The following ZBTB38 variants were observed in gnomAD, a reference collection of about 807,000 sequenced individuals.
The protein encoded by ZBTB38 is zinc finger and BTB domain-containing protein 38.
In ZBTB38, 20 loss-of-function variants were observed where a neutral mutation model predicts 76.8. The ratio of observed to expected loss-of-function variants is 0.26; its 90% CI spans 0.18 to 0.38. The LOEUF is 0.38. Among genes scored for constraint, ZBTB38 ranks in the 10% least tolerant of loss-of-function variants. The pLI is 1.00. For missense variants in ZBTB38, 1,082 were observed against 1,482.3 expected (o/e 0.73, Z 4.43); for synonymous variants, 504 against 544.2 (o/e 0.93, Z 1.03).
chr3:141,330,751 T>A, intron 1 of ZBTB38, among the ~76,000 whole-genome samples: 1 of 152,212 alleles, frequency 6.6e-6, no homozygotes, highest in East Asian at 1.9e-4. Context: ...AAAAGTGGAT[T>A]AATCCATTCA....
intron 5 of ZBTB38, among the ~76,000 whole-genome samples, chr3:141,436,643 A>G (rs2078867150): frequency 6.6e-6 from 1 of 152,002 alleles, no homozygotes; most frequent in Non-Finnish European, 1.5e-5. Context: ...GACTACAGGC[A>G]CTCACCACCA....
chr3:141,327,407 C>A (rs1223616853), intron 1 of ZBTB38, among the ~76,000 whole-genome samples: 1 of 152,150 alleles, frequency 6.6e-6, no homozygotes, highest in African/African-American at 2.4e-5. Context: ...AGCACCTTAC[C>A]TCTGCGGTCT....
At chr3:141,407,777 G>T (rs1401706036) in intron 5 of ZBTB38, among the ~76,000 whole-genome samples, 2 of 152,232 alleles carry the variant, frequency 1.3e-5, no homozygotes, top group African/African-American at 4.8e-5. Flanking sequence ...ATAAACCTGA[G>T]ATTTGAGATG....
Position 141,417,175 on chromosome 3 carries a change from T to TC in ZBTB38, c.-1+13148dup, listed in dbSNP as rs202069657. ...ATGCACCAGCATCCATTGTTCATGC[T>TC]CCCCTTTTAGCCCTATTTTCTTTTC... On this transcript the variant is annotated intron_variant, in intron 5 of 5. Transcript: ENST00000321464. Among the ~76,000 whole-genome samples, 1,122 of 152,288 alleles carry TC rather than the reference T, an allele frequency of 7.4e-3. 15 individuals are homozygous for TC. The highest frequency in any genetic ancestry group is 0.025 in the African/African-American group (1,054 of 41,538).
At chr3:141,361,556 G>A (rs1172518484) in intron 1 of ZBTB38, among the ~76,000 whole-genome samples, 1 of 152,222 alleles carries the variant, frequency 6.6e-6, no homozygotes, top group Non-Finnish European at 1.5e-5. Context: ...TAGAATAGTT[G>A]TGAAAACCAG....
At chr3:141,378,564 A>G (rs1945736105) in intron 2 of ZBTB38, among the ~76,000 whole-genome samples, 1 of 152,228 alleles carries the variant, frequency 6.6e-6, no homozygotes, top group Non-Finnish European at 1.5e-5. Context: ...AAAAGGTATT[A>G]AAACTTTTTA....
At chr3:141,348,063 A>C (rs1187333829) in intron 1 of ZBTB38, among the ~76,000 whole-genome samples, 1 of 152,220 alleles carries the variant, frequency 6.6e-6, no homozygotes, top group Non-Finnish European at 1.5e-5. Context: ...TTGCCAATCT[A>C]TTATTATTTG....
chr3:141,324,429 AAAG>A (rs751734992), exon 1 of ZBTB38: 2 of 152,228 alleles, frequency 1.3e-5, no homozygotes, highest in African/African-American at 2.4e-5. Flanking sequence ...CAGAGCCCGA[AAAG>A]AAGATTACTC....
chr3:141,407,039 A>G (rs989874941), intron 5 of ZBTB38, among the ~76,000 whole-genome samples: 4 of 152,250 alleles, frequency 2.6e-5, no homozygotes, highest in African/African-American at 9.6e-5. Flanking sequence ...ATGAAAATTC[A>G]GGCTGTTAAA....
At chr3:141,406,524 G>T (rs1159622178) in intron 5 of ZBTB38, among the ~76,000 whole-genome samples, 4 of 152,222 alleles carry the variant, frequency 2.6e-5, no homozygotes, top group Non-Finnish European at 5.9e-5. Context: ...GAGGTGCTGT[G>T]TTTGCAGTGT....
chr3:141,407,169 C>T (rs1414729126), intron 5 of ZBTB38, among the ~76,000 whole-genome samples: 1 of 152,212 alleles, frequency 6.6e-6, no homozygotes, highest in Non-Finnish European at 1.5e-5. Context: ...AAGTTTCTAA[C>T]AGTAATGTAA....
At chr3:141,406,572 G>A (rs1366690842) in intron 5 of ZBTB38, among the ~76,000 whole-genome samples, 4 of 152,138 alleles carry the variant, frequency 2.6e-5, no homozygotes, top group African/African-American at 7.2e-5. Flanking sequence ...GGGGCTTTGC[G>A]CTCCACAAGA....
intron 5 of ZBTB38, among the ~76,000 whole-genome samples, chr3:141,440,892 G>C (rs926874368): frequency 4.6e-5 from 7 of 152,014 alleles, no homozygotes; most frequent in African/African-American, 1.7e-4. Flanking sequence ...AAATTAGCTG[G>C]GCGTGGTGGC....
intron 1 of ZBTB38, among the ~76,000 whole-genome samples, chr3:141,335,686 T>C (rs1942996548): frequency 6.6e-6 from 1 of 152,214 alleles, no homozygotes; most frequent in Admixed American, 6.5e-5. Flanking sequence ...TAGCCTCAGA[T>C]CACCTCCCAG....
At chr3:141,396,719 T>A (rs1423522625) in intron 4 of ZBTB38, among the ~76,000 whole-genome samples, 2 of 152,256 alleles carry the variant, frequency 1.3e-5, no homozygotes, top group African/African-American at 4.8e-5. Flanking sequence ...GATGTTGTGT[T>A]AGCAGGCATG....
In ZBTB38 at chr3:141,447,213, CAAG is replaced by C. The variant is rs1403615618; in HGVS notation, c.*1244_*1246del. 2.0e-5 allele frequency: 3 copies of C among 152,552 alleles called. No individual in the cohort carries two copies. The highest frequency in any genetic ancestry group is 6.5e-5 in the Admixed American group (1 of 15,268). The allele number at this position is 152,552 out of a possible 1,614,324, so 9.4% of individuals were successfully genotyped here. A position where few individuals can be genotyped will look rare whatever the true frequency, so the allele number is the denominator to read the frequency against. On this transcript the variant is annotated 3_prime_UTR_variant, in exon 6 of 6. Transcript: ENST00000321464. ...CCCACCCATTAATGACTTGAGTGGG[CAAG>C]AAGAAGTGATGGCCTTCCTTGCCTA...
Position 141,443,046 on chromosome 3 carries a change from G to A in ZBTB38, c.658G>A (p.Glu220Lys), listed in dbSNP as rs2080574009. The A allele has an allele frequency of 1.9e-6, 3 of 1,614,236 alleles. No homozygotes were observed. Among genetic ancestry groups the A allele is most frequent in the South Asian group, 2.2e-5 (2 of 91,080 alleles). Residue 220 changes from glutamate (E) to lysine (K), a missense_variant, in exon 6 of 6, where the codon GAG becomes AAG. This residue lies in a region of ZBTB38 where 324 missense variants were observed against 359.1 expected (regional missense o/e 0.90). Coordinates refer to ENST00000321464, the MANE Select transcript of ZBTB38 (RefSeq NM_001376113.1). The surrounding 1 kb of genome is among the most constrained non-coding windows in gnomAD (Gnocchi z 5.6). ...GGCAGAGCCTGTCCGCACACTTGCCGAGCACTCATACGCTGTTTCTTCCGT... is the reference window on the plus strand; with the variant it reads ...GGCAGAGCCTGTCCGCACACTTGCCAAGCACTCATACGCTGTTTCTTCCGT... ...HEAEPVRTLA[E>K]HSYAVSSVAE...
intron 1 of ZBTB38, among the ~76,000 whole-genome samples, chr3:141,361,173 C>T (rs374196405): frequency 1.3e-5 from 2 of 152,274 alleles, no homozygotes; most frequent in African/African-American, 4.8e-5. Flanking sequence ...TAACCCCTTA[C>T]CACGAAGCAT....
At chr3:141,372,251 G>C (rs1390614690) in intron 2 of ZBTB38, among the ~76,000 whole-genome samples, 1 of 152,174 alleles carries the variant, frequency 6.6e-6, no homozygotes, top group Non-Finnish European at 1.5e-5. Flanking sequence ...ATGAGTTGCT[G>C]CAAAAATACT....
Sources: gnomAD v4.1 joint callset for allele counts (sites outside exome capture counted in the v4.1 genomes callset) on GRCh38, gnomAD v4.1.1 for gene constraint, gnomAD v4.1.1 regional missense constraint, Gnocchi (gnomAD v3.1) non-coding constraint, MANE v1.5 for transcripts, NCBI Gene and HGNC (gene_info 2026-07-23, HGNC 2026-07-21) for gene names.